GRM7: variants seen among roughly 807,000 people sequenced by gnomAD.
GRM7 encodes glutamate metabotropic receptor 7.
In GRM7, 35 loss-of-function variants were observed where a neutral mutation model predicts 84.5. The observed-to-expected ratio is 0.41, with a 90% CI of 0.32 to 0.55. The LOEUF is 0.55. Among genes scored for constraint, GRM7 ranks in the 20% least tolerant of loss-of-function variants. The pLI is 0.19. For missense variants in GRM7, 1,003 were observed against 1,194.6 expected, an observed-to-expected ratio of 0.84 and a Z score of 2.36; for synonymous variants, 487 against 455.1, an observed-to-expected ratio of 1.07 and a Z score of -0.89.
chr3:7,590,337 C>G lies in GRM7; in HGVS notation c.2451+10980C>G, dbSNP rs369721784. Among the ~76,000 whole-genome samples the G allele has an allele frequency of 9.9e-5, 15 of 152,144 alleles. No homozygotes were observed. In the East Asian group the frequency reaches 1.3e-3, roughly 14 times the overall value. On this transcript the variant is annotated intron_variant, in intron 8 of 9. Transcript: ENST00000357716. Reference sequence around the variant, plus strand: ...AAGATCACAAAATACAGCCCATGGACCTGTCCAATGAGTAACTTGTTTTTA... The same window carrying G: ...AAGATCACAAAATACAGCCCATGGAGCTGTCCAATGAGTAACTTGTTTTTA...
intron 7 of GRM7, among the ~76,000 whole-genome samples, chr3:7,574,342 T>G (rs977032425): frequency 6.6e-6 from 1 of 152,082 alleles, no homozygotes; most frequent in Non-Finnish European, 1.5e-5. Context: ...GTAGTGTTAG[T>G]AGAGGCAGGG....
intron 7 of GRM7, among the ~76,000 whole-genome samples, chr3:7,532,134 A>G (rs559408779): frequency 6.6e-6 from 1 of 152,300 alleles, no homozygotes; most frequent in African/African-American, 2.4e-5. Flanking sequence ...CTGGCCTCAT[A>G]AAATGAGTTA....
chr3:7,093,323 G>C (rs1369379845), intron 1 of GRM7, among the ~76,000 whole-genome samples: 2 of 151,962 alleles, frequency 1.3e-5, no homozygotes, highest in African/African-American at 4.8e-5. Flanking sequence ...GTGTACTTGT[G>C]TGTGTGTGTC....
At chr3:7,479,242 A>C (rs1297220650) in intron 7 of GRM7, among the ~76,000 whole-genome samples, 1 of 151,956 alleles carries the variant, frequency 6.6e-6, no homozygotes, top group Non-Finnish European at 1.5e-5. Flanking sequence ...GCTACATCTC[A>C]CTGGTGACTC....
intron 8 of GRM7, among the ~76,000 whole-genome samples, chr3:7,666,495 G>C (rs1410258955): frequency 2.0e-5 from 3 of 152,172 alleles, no homozygotes; most frequent in African/African-American, 7.2e-5. Context: ...GCTCCGTGCA[G>C]AATTATTTGG....
rs1160089660 is a variant in GRM7, at chr3:7,457,597, C to CT, written c.1376-3979dup. 1.2e-4 allele frequency among the ~76,000 whole-genome samples: 19 copies of CT among 152,218 alleles called. 1 individual carries two copies. In the East Asian group the frequency reaches 3.5e-3, roughly 28 times the overall value. Reference sequence around the variant, plus strand: ...TTGTAGAGATGGCAGATCTCACATGCTTTTTTTGCAATATGATGTTAGCTT... The same window carrying CT: ...TTGTAGAGATGGCAGATCTCACATGCTTTTTTTTGCAATATGATGTTAGCTT... On this transcript the variant is annotated intron_variant, in intron 6 of 9. Transcript: ENST00000357716.
chr3:7,677,278 A>AC (rs1559481642), intron 8 of GRM7, among the ~76,000 whole-genome samples: 2,506 of 149,062 alleles, frequency 0.017, 85 homozygotes, highest in African/African-American at 0.059. Context: ...AAAAAAAAAA[A>AC]AAAAAAAAAA....
chr3:7,448,037 A>T (rs1286696078), intron 5 of GRM7, among the ~76,000 whole-genome samples: 1 of 151,420 alleles, frequency 6.6e-6, no homozygotes, highest in African/African-American at 2.4e-5. Context: ...ACTGAGAATG[A>T]TGATTTCCAG....
chr3:7,147,842 T>C (rs1468377484), intron 2 of GRM7, among the ~76,000 whole-genome samples: 4 of 152,220 alleles, frequency 2.6e-5, no homozygotes, highest in African/African-American at 9.6e-5. Context: ...AGTCTCGCTC[T>C]AACCACTATT....
In GRM7 at chr3:7,288,928, C is replaced by T. The variant is rs12634996; in HGVS notation, c.737-9756C>T. Among the ~76,000 whole-genome samples, 13 of 152,252 alleles carry T rather than the reference C, an allele frequency of 8.5e-5. No individual in the cohort carries two copies. The East Asian group carries it at 2.1e-3, about 25-fold the overall frequency. Reference sequence around the variant, plus strand: ...GTTTTCTGGATGGATCCCACATGGACATGTTATCCTATCATCCTCTAATTT... The same window carrying T: ...GTTTTCTGGATGGATCCCACATGGATATGTTATCCTATCATCCTCTAATTT... On this transcript the variant is annotated intron_variant, in intron 2 of 9. Coordinates refer to ENST00000357716, the MANE Select transcript of GRM7 (RefSeq NM_000844.4).
At chr3:7,454,337 T>C (rs1697916237) in intron 6 of GRM7, among the ~76,000 whole-genome samples, 1 of 152,162 alleles carries the variant, frequency 6.6e-6, no homozygotes, top group Admixed American at 6.6e-5. Flanking sequence ...ATAATGTCTG[T>C]TTGAATAGTC....
At chr3:7,393,280 C>T (rs943905247) in intron 4 of GRM7, among the ~76,000 whole-genome samples, 23 of 152,186 alleles carry the variant, frequency 1.5e-4, no homozygotes, top group Admixed American at 1.3e-4. Context: ...ACTCCAGGCT[C>T]AAGTGCCTGC....
chr3:7,206,758 A>T (rs13324269), intron 2 of GRM7, among the ~76,000 whole-genome samples: 5,231 of 152,204 alleles, frequency 0.034, 267 homozygotes, highest in African/African-American at 0.12. Context: ...ATGTGACTAT[A>T]ATTGGTCTTA....
chr3:7,016,787 T>C (rs1425194853), intron 1 of GRM7, among the ~76,000 whole-genome samples: 1 of 152,176 alleles, frequency 6.6e-6, no homozygotes, highest in Non-Finnish European at 1.5e-5. Flanking sequence ...TGATTGCCAC[T>C]ATAGTATTGT....
In GRM7 at chr3:7,108,525, A is replaced by C. The variant is rs111708927; in HGVS notation, c.520-37927A>C. 2.6e-3 allele frequency among the ~76,000 whole-genome samples: 369 copies of C among 142,504 alleles called. 2 individuals are homozygous for C. The highest frequency in any genetic ancestry group is 9.4e-3 in the African/African-American group (357 of 38,008). 93.5% of individuals were successfully genotyped at this position (142,504 alleles called of 152,430 possible). The stretch of plus-strand genomic sequence containing the variant: ...TTTTTTTTTGCTGCTTTTCTCTTTG[A>C]TTCTTGCCCTCTTGAGTTTTCTGCT... On this transcript the variant is annotated intron_variant, in intron 1 of 9. Transcript: ENST00000357716.
intron 1 of GRM7, among the ~76,000 whole-genome samples, chr3:7,033,491 A>G (rs1696265015): frequency 6.6e-6 from 1 of 152,228 alleles, no homozygotes. Flanking sequence ...CGTTCAAAAT[A>G]TAACTGTAAA....
intron 2 of GRM7, among the ~76,000 whole-genome samples, chr3:7,275,167 A>G (rs1699007871): frequency 1.3e-5 from 2 of 152,136 alleles, no homozygotes; most frequent in Admixed American, 6.6e-5. Context: ...CTCTCTATTT[A>G]TATTACCCAT....
chr3:6,890,694 A>T (rs1230684612), intron 1 of GRM7, among the ~76,000 whole-genome samples: 1 of 152,136 alleles, frequency 6.6e-6, no homozygotes, highest in East Asian at 1.9e-4. Flanking sequence ...GGTGCTGAAA[A>T]AAATGTATAT....
intron 4 of GRM7, among the ~76,000 whole-genome samples, chr3:7,328,298 G>T (rs1701062085): frequency 6.6e-6 from 1 of 152,136 alleles, no homozygotes; most frequent in African/African-American, 2.4e-5. Flanking sequence ...TGATAATGTA[G>T]TCTGGTTTAG....
Sources: allele counts gnomAD v4.1 joint callset (sites outside exome capture counted in the v4.1 genomes callset), GRCh38; gene constraint gnomAD v4.1.1; transcripts MANE v1.5; gene names NCBI Gene and HGNC (gene_info 2026-07-23, HGNC 2026-07-21).